The following ZC2HC1B variants were observed in gnomAD, a reference collection of about 807,000 sequenced individuals.
The protein encoded by ZC2HC1B is zinc finger C2HC-type containing 1B.
In ZC2HC1B, 36 loss-of-function variants were observed where a neutral mutation model predicts 31.0. That is an observed-to-expected ratio of 1.16 (90% confidence interval 0.89 to 1.54). ZC2HC1B has a LOEUF of 1.54. ZC2HC1B is among the 40% of genes most tolerant of loss of function. The probability of loss-of-function intolerance (pLI) is 0.00; values close to 1 mark genes in which losing one functional copy is unlikely to be tolerated. For missense variants in ZC2HC1B, 260 were observed against 268.6 expected (o/e 0.97, Z 0.22); for synonymous variants, 73 against 88.0 (o/e 0.83, Z 0.95).
rs760366226 is a variant in ZC2HC1B, at chr6:143,901,250, CTTTTTTTTTTT to C, written c.490-1777_490-1767del. 1.2e-3 allele frequency among the ~76,000 whole-genome samples: 109 copies of C among 90,492 alleles called. 1 individual carries two copies. The highest frequency in any genetic ancestry group is 2.7e-3 in the East Asian group (9 of 3,390). The allele number at this position is 90,492 out of a possible 152,430, so 59.4% of individuals were successfully genotyped here. On this transcript the variant is annotated intron_variant, in intron 5 of 7. Transcript: ENST00000237275. ...AATTTCTTTCTTTCTTTCTTTCTTC[CTTTTTTTTTTT>C]TTTTTTTTTTTTTTTTGAGACAGAG... is the stretch of plus-strand genomic sequence containing the variant.
intron 6 of ZC2HC1B, among the ~76,000 whole-genome samples, chr6:143,936,541 C>T (rs1004751462): frequency 5.9e-5 from 9 of 152,206 alleles, no homozygotes; most frequent in African/African-American, 2.2e-4. Flanking sequence ...AGTGTATAGC[C>T]TAGTCAGCAA....
chr6:143,920,626 C>CA (rs1318424417), intron 6 of ZC2HC1B, among the ~76,000 whole-genome samples: 2 of 152,034 alleles, frequency 1.3e-5, no homozygotes, highest in Non-Finnish European at 2.9e-5. Flanking sequence ...AAATGGTTGA[C>CA]ACGGCTGGGC....
In ZC2HC1B at chr6:143,884,447, A is replaced by G. The variant is rs189728430; in HGVS notation, c.90+82A>G. Reference sequence around the variant, plus strand: ...TCAGTGAGGAGGCGGCAGTGCAAAGATTAAAGACAGATGTGGAGGGGAAGC... The same window carrying G: ...TCAGTGAGGAGGCGGCAGTGCAAAGGTTAAAGACAGATGTGGAGGGGAAGC... On this transcript the variant is annotated intron_variant, in intron 2 of 7. Transcript: ENST00000237275. The surrounding 1 kb of genome is among the most constrained non-coding windows in gnomAD (Gnocchi z 5.1). 7.6e-4 allele frequency: 1,005 copies of G among 1,325,366 alleles called. 1 individual carries two copies. Among genetic ancestry groups the G allele is most frequent in the Non-Finnish European group, 8.3e-4 (806 of 968,194 alleles). 82.1% of individuals were successfully genotyped at this position (1,325,366 alleles called of 1,614,324 possible). A position where few individuals can be genotyped will look rare whatever the true frequency, so the allele number is the denominator to read the frequency against.
In ZC2HC1B at chr6:143,887,045, A is replaced by T. The variant is rs1582957122; in HGVS notation, c.349+224A>T. ...ACCACTGTAGCTGTGCTGTAGTATT[A>T]CATGACTCCAAGAAACACCAGACAC... On this transcript the variant is annotated intron_variant, in intron 4 of 7. Transcript: ENST00000237275. This position sits in a 1 kb window ranked among gnomAD's most constrained non-coding sequence, Gnocchi z 5.1. Among the ~76,000 whole-genome samples, 1 of 152,332 alleles carries T rather than the reference A, an allele frequency of 6.6e-6. No homozygotes were observed. The highest frequency in any genetic ancestry group is 1.9e-4 in the East Asian group (1 of 5,190).
chr6:143,889,521 A>AG (rs143088328), intron 4 of ZC2HC1B, among the ~76,000 whole-genome samples: 7,281 of 152,194 alleles, frequency 0.048, 262 homozygotes, highest in Admixed American at 0.08. Context: ...ATAATCATAA[A>AG]GCTGGAATGA....
rs1421216640 is a variant in ZC2HC1B, at chr6:143,885,669, A to G, written c.91-363A>G. 6.6e-6 allele frequency among the ~76,000 whole-genome samples: 1 copy of G among 152,226 alleles called. No individual in the cohort carries two copies. The highest frequency in any genetic ancestry group is 2.4e-5 in the African/African-American group (1 of 41,456). ...GTAGCACATTTTATACAGGTGGTAC[A>G]CAGGGAAAGCTCTGCATGTTAGCTC... On this transcript the variant is annotated intron_variant, in intron 2 of 7. Transcript: ENST00000237275. The surrounding 1 kb of genome is among the most constrained non-coding windows in gnomAD (Gnocchi z 4.2).
intron 4 of ZC2HC1B, among the ~76,000 whole-genome samples, chr6:143,890,245 G>A (rs1030349858): frequency 1.3e-5 from 2 of 151,750 alleles, no homozygotes; most frequent in African/African-American, 4.8e-5. Context: ...TAAAAGATTA[G>A]GAAAAGAGCA....
rs1393563192 is a variant in ZC2HC1B at position 143,871,553 on chromosome 6, TA to T, written c.28+6988del. On this transcript the variant is annotated intron_variant, in intron 1 of 7. Transcript: ENST00000237275. The surrounding 1 kb of genome is among the most constrained non-coding windows in gnomAD (Gnocchi z 4.1). ...GCTGCAGTTGGAGTCATCACTTGGT[TA>T]AGCTTATGATAATCCACTCTCATTC... 6.6e-6 allele frequency among the ~76,000 whole-genome samples: 1 copy of T among 152,196 alleles called. No homozygotes were observed. Among genetic ancestry groups the T allele is most frequent in the East Asian group, 1.9e-4 (1 of 5,190 alleles).
At chr6:143,931,302 T>C (rs899087525) in intron 6 of ZC2HC1B, among the ~76,000 whole-genome samples, 2 of 152,244 alleles carry the variant, frequency 1.3e-5, no homozygotes, top group African/African-American at 4.8e-5. Context: ...GCCATTTACA[T>C]TCAGCATTAT....
chr6:143,928,824 G>GTTTTTTTTTTTT (rs59359194), intron 6 of ZC2HC1B, among the ~76,000 whole-genome samples: 9 of 142,312 alleles, frequency 6.3e-5, no homozygotes, highest in Middle Eastern at 3.7e-3. Flanking sequence ...TATTCCTAGG[G>GTTTTTTTTTTTT]TTTTTTTTTT....
In ZC2HC1B at chr6:143,921,769, G is replaced by T. The variant is rs953199962; in HGVS notation, c.599-15880G>T. On this transcript the variant is annotated intron_variant, in intron 6 of 7. Coordinates refer to ENST00000237275, the MANE Select transcript of ZC2HC1B (RefSeq NM_001013623.3). This position sits in a 1 kb window ranked among gnomAD's most constrained non-coding sequence, Gnocchi z 6.1. The stretch of plus-strand genomic sequence containing the variant: ...ACATAGCAAGACCCTGTCTCTACAA[G>T]AAAAATTTAAAAATTTGCTACATGT... Among the ~76,000 whole-genome samples the T allele has an allele frequency of 2.0e-5, 3 of 151,996 alleles. No individual in the cohort carries two copies. Among genetic ancestry groups the T allele is most frequent in the Non-Finnish European group, 4.4e-5 (3 of 67,992 alleles).
At position 143,883,112 on chromosome 6, in the gene ZC2HC1B, T is replaced by A. The variant is rs969364975; in HGVS notation, c.29-1192T>A. ...TGGAGTGCAGTGTTATGATCATGGC[T>A]CACTGCAACTTCTGCCTCCTGGGCT... On this transcript the variant is annotated intron_variant, in intron 1 of 7. Coordinates refer to ENST00000237275, the MANE Select transcript of ZC2HC1B (RefSeq NM_001013623.3). The surrounding 1 kb of genome is among the most constrained non-coding windows in gnomAD (Gnocchi z 4.1). Among the ~76,000 whole-genome samples the A allele has an allele frequency of 1.3e-5, 2 of 152,176 alleles. No homozygotes were observed. Among genetic ancestry groups the A allele is most frequent in the Non-Finnish European group, 2.9e-5 (2 of 68,026 alleles).
chr6:143,907,251 T>C (rs1274076443), intron 6 of ZC2HC1B, among the ~76,000 whole-genome samples: 1 of 152,210 alleles, frequency 6.6e-6, no homozygotes. Context: ...TACATGTGCA[T>C]GTATCTTTAT....
At position 143,877,626 on chromosome 6, in the gene ZC2HC1B, T is replaced by C. The variant is rs549830574; in HGVS notation, c.29-6678T>C. 2.7e-5 allele frequency among the ~76,000 whole-genome samples: 4 copies of C among 150,544 alleles called. 1 individual carries two copies. The South Asian group carries it at 8.6e-4, about 32-fold the overall frequency. On this transcript the variant is annotated intron_variant, in intron 1 of 7. Transcript: ENST00000237275. ...AGAGTTATAATTTTCCTTTAATTTT[T>C]TTTTTGTCTGTTTTGGACTTACCTG... is the stretch of plus-strand genomic sequence containing the variant.
chr6:143,914,044 G>A (rs934672562), intron 6 of ZC2HC1B, among the ~76,000 whole-genome samples: 1 of 152,108 alleles, frequency 6.6e-6, no homozygotes. Context: ...CCAACTTTTG[G>A]TTTTATTGAT....
At position 143,908,618 on chromosome 6, in the gene ZC2HC1B, A is replaced by G. The variant is rs1777823966; in HGVS notation, c.598+5466A>G. ...ATAGGAATGCTAGCAATTTTTGCAC[A>G]TTGATTTTGTATTTTGAGACTTTGC... On this transcript the variant is annotated intron_variant, in intron 6 of 7. Coordinates refer to ENST00000237275, the MANE Select transcript of ZC2HC1B (RefSeq NM_001013623.3). The surrounding 1 kb of genome is among the most constrained non-coding windows in gnomAD (Gnocchi z 4.4). 6.6e-6 allele frequency among the ~76,000 whole-genome samples: 1 copy of G among 152,142 alleles called. No homozygotes were observed. Among genetic ancestry groups the G allele is most frequent in the African/African-American group, 2.4e-5 (1 of 41,432 alleles).
At position 143,895,311 on chromosome 6, in the gene ZC2HC1B, C is replaced by T. The variant is rs146746434; in HGVS notation, c.350-3241C>T. Reference sequence around the variant, plus strand: ...CTGAGTAGCTGGGATTACAGGCGCCCGCCACCACGCCCAGCTGATTTCTGT... The same window carrying T: ...CTGAGTAGCTGGGATTACAGGCGCCTGCCACCACGCCCAGCTGATTTCTGT... On this transcript the variant is annotated intron_variant, in intron 4 of 7. Coordinates refer to ENST00000237275, the MANE Select transcript of ZC2HC1B (RefSeq NM_001013623.3). This position sits in a 1 kb window ranked among gnomAD's most constrained non-coding sequence, Gnocchi z 4.8. 0.023 allele frequency among the ~76,000 whole-genome samples: 3,452 copies of T among 152,034 alleles called. 52 individuals are homozygous for T. The highest frequency in any genetic ancestry group is 0.05 in the African/African-American group (2,085 of 41,476).
chr6:143,913,162 G>T lies in ZC2HC1B; in HGVS notation c.598+10010G>T, dbSNP rs116957768. ...CCTCCTCTGGGCACTTCATCCCAGGGAGAGATCAGAGCTCTGTCCCTAATA... is the reference window on the plus strand; with the variant it reads ...CCTCCTCTGGGCACTTCATCCCAGGTAGAGATCAGAGCTCTGTCCCTAATA... On this transcript the variant is annotated intron_variant, in intron 6 of 7. Transcript: ENST00000237275. This position sits in a 1 kb window ranked among gnomAD's most constrained non-coding sequence, Gnocchi z 5.7. 4.6e-5 allele frequency among the ~76,000 whole-genome samples: 7 copies of T among 152,306 alleles called. No homozygotes were observed. The East Asian group carries it at 1.4e-3, about 29-fold the overall frequency.
chr6:143,893,259 A>G (rs1777620907), intron 4 of ZC2HC1B, among the ~76,000 whole-genome samples: 1 of 152,216 alleles, frequency 6.6e-6, no homozygotes, highest in African/African-American at 2.4e-5. Flanking sequence ...ATACCACTAC[A>G]CATCCACTTC....
Sources: allele counts gnomAD v4.1 joint callset (sites outside exome capture counted in the v4.1 genomes callset), GRCh38; gene constraint gnomAD v4.1.1; non-coding constraint Gnocchi (gnomAD v3.1); transcripts MANE v1.5; gene names NCBI Gene and HGNC (gene_info 2026-07-23, HGNC 2026-07-21).